The following QTMAN variants were observed in gnomAD, a reference collection of about 807,000 sequenced individuals.
QTMAN encodes the protein tRNA-queuosine alpha-mannosyltransferase.
chr2:143,968,177 T>C, the QTMAN span, among the ~76,000 whole-genome samples: 1 of 152,160 alleles, frequency 6.6e-6, no homozygotes, highest in Non-Finnish European at 1.5e-5. Context: ...AATTCACATT[T>C]GAAATGGTAG....
chr2:144,112,459 G>C, the QTMAN span, among the ~76,000 whole-genome samples: 1 of 152,368 alleles, frequency 6.6e-6, no homozygotes, highest in East Asian at 1.9e-4. Context: ...TATTAAAGAA[G>C]TCAGCAACCT....
At chr2:144,275,200 C>T in the QTMAN span, among the ~76,000 whole-genome samples, 1 of 151,874 alleles carries the variant, frequency 6.6e-6, no homozygotes, top group Non-Finnish European at 1.5e-5. Context: ...CTGGCTAATA[C>T]GGTGAAACCC....
At chr2:144,007,595 T>G in the QTMAN span, 4 of 1,108,208 alleles carry the variant, frequency 3.6e-6, no homozygotes, top group Non-Finnish European at 5.1e-6. Context: ...AAATTTGTCC[T>G]TTACCTTCCT....
the QTMAN span, among the ~76,000 whole-genome samples, chr2:144,305,176 A>G: frequency 6.6e-6 from 1 of 152,202 alleles, no homozygotes; most frequent in East Asian, 1.9e-4. Context: ...GGCTTTGACT[A>G]ACCCAAGAAC....
the QTMAN span, among the ~76,000 whole-genome samples, chr2:143,983,396 T>C: frequency 6.6e-6 from 1 of 152,062 alleles, no homozygotes; most frequent in Non-Finnish European, 1.5e-5. Context: ...CCACGATAAC[T>C]GGTTAAAAAG....
At chr2:144,283,136 A>C in the QTMAN span, among the ~76,000 whole-genome samples, 49 of 152,156 alleles carry the variant, frequency 3.2e-4, no homozygotes, top group Non-Finnish European at 6.3e-4. Flanking sequence ...CTGTGAGCTG[A>C]TCCCAAGAAG....
At chr2:144,029,488 C>T in the QTMAN span, among the ~76,000 whole-genome samples, 9 of 152,176 alleles carry the variant, frequency 5.9e-5, no homozygotes, top group Non-Finnish European at 1.0e-4. Context: ...AACCACTACC[C>T]GCCTTCCCTT....
the QTMAN span, among the ~76,000 whole-genome samples, chr2:144,261,315 A>C: frequency 6.6e-6 from 1 of 152,206 alleles, no homozygotes; most frequent in South Asian, 2.1e-4. Flanking sequence ...TATTTACCAG[A>C]AACATTCTAA....
the QTMAN span, among the ~76,000 whole-genome samples, chr2:144,197,124 C>T: frequency 5.2e-4 from 79 of 152,204 alleles, no homozygotes; most frequent in East Asian, 0.014. Context: ...ATCTGTACAG[C>T]ATGTTACTGT....
At chr2:143,956,364 A>T in the QTMAN span, among the ~76,000 whole-genome samples, 2 of 152,186 alleles carry the variant, frequency 1.3e-5, no homozygotes, top group African/African-American at 4.8e-5. Flanking sequence ...TAAAGTCAGA[A>T]GACAAAGACT....
the QTMAN span, among the ~76,000 whole-genome samples, chr2:144,217,629 T>G: frequency 6.6e-6 from 1 of 152,088 alleles, no homozygotes; most frequent in East Asian, 1.9e-4. Context: ...TTGGGATTCC[T>G]CCCAGAGTCC....
the QTMAN span, among the ~76,000 whole-genome samples, chr2:144,284,011 A>T: frequency 6.6e-6 from 1 of 152,154 alleles, no homozygotes; most frequent in African/African-American, 2.4e-5. Context: ...GAAAGAAATA[A>T]ATACTAAATA....
chr2:144,102,161 CTA>C, the QTMAN span, among the ~76,000 whole-genome samples: 2 of 152,164 alleles, frequency 1.3e-5, no homozygotes, highest in African/African-American at 4.8e-5. Flanking sequence ...GAATCCAGAG[CTA>C]TGTTTTTTCC....
At chr2:144,197,324 T>C in the QTMAN span, among the ~76,000 whole-genome samples, 1 of 151,912 alleles carries the variant, frequency 6.6e-6, no homozygotes, top group Non-Finnish European at 1.5e-5. Context: ...TGTGTGTATA[T>C]ATATATATAT....
At chr2:144,036,084 C>A in the QTMAN span, among the ~76,000 whole-genome samples, 1 of 152,144 alleles carries the variant, frequency 6.6e-6, no homozygotes, top group Non-Finnish European at 1.5e-5. Flanking sequence ...GTACTGTATA[C>A]AATACAGAGG....
the QTMAN span, among the ~76,000 whole-genome samples, chr2:144,116,872 T>C: frequency 2.2e-4 from 34 of 152,324 alleles, no homozygotes; most frequent in East Asian, 6.4e-3. Flanking sequence ...CAGGTCTTAC[T>C]TGAGATTCAG....
the QTMAN span, among the ~76,000 whole-genome samples, chr2:144,040,194 T>G: frequency 6.6e-6 from 1 of 152,184 alleles, no homozygotes; most frequent in Non-Finnish European, 1.5e-5. Context: ...TTAGTTTTAA[T>G]TTTTATATGC....
At chr2:143,960,865 C>T in the QTMAN span, among the ~76,000 whole-genome samples, 2 of 152,004 alleles carry the variant, frequency 1.3e-5, no homozygotes, top group Non-Finnish European at 2.9e-5. Context: ...AATTATTATG[C>T]TTACGGGTTT....
the QTMAN span, among the ~76,000 whole-genome samples, chr2:144,227,025 T>C: frequency 1.6e-4 from 25 of 152,124 alleles, no homozygotes; most frequent in African/African-American, 6.0e-4. Context: ...ATTGTTTGCT[T>C]GTGTATTAAA....
Sources: gnomAD v4.1 joint callset for allele counts (sites outside exome capture counted in the v4.1 genomes callset) on GRCh38, gnomAD v4.1.1 for gene constraint, MANE v1.5 for transcripts, NCBI Gene and HGNC (gene_info 2026-07-23, HGNC 2026-07-21) for gene names.